Variants in TTC23L observed in about 807,000 individuals in gnomAD.
The protein encoded by TTC23L is tetratricopeptide repeat protein 23-like.
TTC23L carries 42 observed loss-of-function variants against 48.1 expected under a neutral mutation model. The ratio of observed to expected loss-of-function variants is 0.87; its 90% CI spans 0.68 to 1.13. The LOEUF is 1.13. Ranked by LOEUF, TTC23L falls within the 50% of genes most tolerant of loss-of-function variation. TTC23L has a pLI of 0.00. For synonymous variants in TTC23L, 159 were observed against 157.2 expected (o/e 1.01, Z -0.09); for missense variants, 391 against 421.0 (o/e 0.93, Z 0.62).
chr5:34,845,690 A>G lies in TTC23L; in HGVS notation c.255+17A>G. 6.3e-7 allele frequency: 1 copy of G among 1,591,124 alleles called. No homozygotes were observed. Among genetic ancestry groups the G allele is most frequent in the Non-Finnish European group, 8.5e-7 (1 of 1,171,878 alleles). On this transcript the variant is annotated intron_variant, in intron 3 of 10. Coordinates refer to ENST00000505624, the Ensembl canonical transcript of TTC23L. Reference sequence around the variant, plus strand: ...GAAAAAATGGTAAAACAAAAAACTCACTAAAATTTTGTTTCCATTTAAAAA... The same window carrying G: ...GAAAAAATGGTAAAACAAAAAACTCGCTAAAATTTTGTTTCCATTTAAAAA...
chr5:34,916,149 T>A, the TTC23L span: 8 of 383,610 alleles, frequency 2.1e-5, no homozygotes, highest in Non-Finnish European at 3.3e-5. Flanking sequence ...TACAGGGTGC[T>A]CAGATCCAGC....
chr5:34,896,925 G>A (rs1326180274), intron 10 of TTC23L, 50 bp downstream of exon 10: 1 of 644,352 alleles, frequency 1.6e-6, no homozygotes, highest in East Asian at 2.7e-5. Context: ...GAAAGGGGCT[G>A]CAAGAAATGC....
intron 9 of TTC23L, among the ~76,000 whole-genome samples, chr5:34,892,114 T>C (rs559601695): frequency 6.6e-5 from 10 of 152,322 alleles, no homozygotes; most frequent in Admixed American, 5.9e-4. Flanking sequence ...GGTACAACGA[T>C]TGCTGTCTCT....
chr5:34,880,639 G>A (rs1461447680), intron 9 of TTC23L: 2 of 406,106 alleles, frequency 4.9e-6, no homozygotes, highest in East Asian at 7.8e-5. Flanking sequence ...TTCCCTCTCT[G>A]ACAAACTTTT....
chr5:34,889,390 G>A (rs556093088), intron 9 of TTC23L, among the ~76,000 whole-genome samples: 1 of 152,332 alleles, frequency 6.6e-6, no homozygotes, highest in South Asian at 2.1e-4. Flanking sequence ...CATTGCTGCT[G>A]AGAGTTAGGA....
At chr5:34,874,669 G>A (rs948799248) in intron 8 of TTC23L, among the ~76,000 whole-genome samples, 1 of 151,786 alleles carries the variant, frequency 6.6e-6, no homozygotes, top group African/African-American at 2.4e-5. Flanking sequence ...GCTGCTGTGA[G>A]TTATGATCAC....
At chr5:34,879,397 A>G (rs1198546051) in intron 8 of TTC23L, among the ~76,000 whole-genome samples, 1 of 152,190 alleles carries the variant, frequency 6.6e-6, no homozygotes, top group Non-Finnish European at 1.5e-5. Context: ...TAAACGTATT[A>G]TGTTTGGAAA....
At chr5:34,902,964 TA>T (rs796794601), downstream of TTC23L, among the ~76,000 whole-genome samples, 1,227 of 143,770 alleles carry the variant, frequency 8.5e-3, 8 homozygotes, top group African/African-American at 0.022. Flanking sequence ...TGACTGACAT[TA>T]AAAAAAAAAA....
At chr5:34,881,219 C>T (rs1257156261) in intron 9 of TTC23L, among the ~76,000 whole-genome samples, 1 of 152,200 alleles carries the variant, frequency 6.6e-6, no homozygotes, top group East Asian at 1.9e-4. Context: ...TGGCTTCCAT[C>T]TTCGGATCTA....
chr5:34,878,165 G>A (rs1033610619), intron 8 of TTC23L, among the ~76,000 whole-genome samples: 1 of 152,140 alleles, frequency 6.6e-6, no homozygotes, highest in Non-Finnish European at 1.5e-5. Flanking sequence ...CAAAGTATTT[G>A]TGAAATATAT....
At chr5:34,874,163 A>G (rs1185008628) in intron 8 of TTC23L, among the ~76,000 whole-genome samples, 1 of 152,196 alleles carries the variant, frequency 6.6e-6, no homozygotes, top group African/African-American at 2.4e-5. Context: ...AGAGAATCAC[A>G]ATGTACCAAA....
the TTC23L span, chr5:34,922,161 A>G: frequency 6.0e-4 from 578 of 968,500 alleles, no homozygotes; most frequent in Non-Finnish European, 8.5e-4. Context: ...ACATATAATT[A>G]CTTTAGTTCT....
rs537414509 is a variant in TTC23L at position 34,850,799 on chromosome 5, T to C, written c.379+491T>C. On this transcript the variant is annotated intron_variant, in intron 4 of 10. Transcript: ENST00000505624. ...ACCCTCATCCTAGAGAAATGGTACT[T>C]CTGGAAGGTACTCTAGTATAAGAGA... Among the ~76,000 whole-genome samples, 4 of 152,250 alleles carry C rather than the reference T, an allele frequency of 2.6e-5. No homozygotes were observed. The South Asian group carries it at 8.3e-4, about 32-fold the overall frequency.
At chr5:34,897,783 A>G (rs1488154325) in intron 10 of TTC23L, among the ~76,000 whole-genome samples, 1 of 152,250 alleles carries the variant, frequency 6.6e-6, no homozygotes, top group Non-Finnish European at 1.5e-5. Context: ...TGTAGTGTAT[A>G]CTTGCCCTGA....
At chr5:34,879,129 G>T (rs897842630) in intron 8 of TTC23L, among the ~76,000 whole-genome samples, 11 of 152,154 alleles carry the variant, frequency 7.2e-5, no homozygotes, top group Admixed American at 1.3e-4. Context: ...CTCATAAATG[G>T]GTGCTAACAA....
the TTC23L span, chr5:34,922,895 AG>A: frequency 8.2e-7 from 1 of 1,213,418 alleles, no homozygotes; most frequent in Non-Finnish European, 1.2e-6. Flanking sequence ...CAATTCTTTC[AG>A]GTACATTTAT....
At chr5:34,850,361 G>T in intron 4 of TTC23L, 53 bp downstream of exon 4, 1 of 1,609,368 alleles carries the variant, frequency 6.2e-7, no homozygotes, top group Admixed American at 1.7e-5. Flanking sequence ...AGGCTGAACT[G>T]ACCCACACAA....
intron 2 of TTC23L, among the ~76,000 whole-genome samples, chr5:34,842,690 C>T (rs917043583): frequency 2.6e-5 from 4 of 152,292 alleles, no homozygotes; most frequent in Middle Eastern, 3.4e-3. Context: ...ATAACCTCAG[C>T]GCTAGGGAGT....
chr5:34,892,106 T>TA (rs1762903939), intron 9 of TTC23L, among the ~76,000 whole-genome samples: 1 of 152,230 alleles, frequency 6.6e-6, no homozygotes. Flanking sequence ...CAAAACCTGG[T>TA]ACAACGATTG....
Sources: allele counts gnomAD v4.1 joint callset (sites outside exome capture counted in the v4.1 genomes callset), GRCh38; gene constraint gnomAD v4.1.1; transcripts MANE v1.5; gene names NCBI Gene and HGNC (gene_info 2026-07-23, HGNC 2026-07-21).